The following TMEM132D variants were observed in gnomAD, a reference collection of about 807,000 sequenced individuals.
The protein encoded by TMEM132D is transmembrane protein 132D.
In TMEM132D, 21 loss-of-function variants were observed where a neutral mutation model predicts 62.3. The observed-to-expected ratio is 0.34, with a 90% confidence interval of 0.24 to 0.49. TMEM132D has a LOEUF of 0.49. TMEM132D is among the 20% of genes least tolerant of loss of function. The pLI, the probability that TMEM132D is intolerant of heterozygous loss-of-function variation, is 0.99. For missense variants in TMEM132D, 1,346 were observed against 1,402.8 expected (o/e 0.96, Z 0.65); for synonymous variants, 621 against 575.6 (o/e 1.08, Z -1.13).
chr12:129,228,944 C>G (rs11060206), intron 4 of TMEM132D, among the ~76,000 whole-genome samples: 8,874 of 152,266 alleles, frequency 0.058, 522 homozygotes, highest in East Asian at 0.3. Context: ...ATCAGAAGTT[C>G]AGCAATTCCG....
At chr12:129,788,333 T>C (rs1871299278) in intron 1 of TMEM132D, among the ~76,000 whole-genome samples, 1 of 152,216 alleles carries the variant, frequency 6.6e-6, no homozygotes, top group African/African-American at 2.4e-5. Flanking sequence ...ATTAGAAGCT[T>C]TGTGAGGGTA....
At chr12:129,219,899 T>C (rs180997455) in intron 4 of TMEM132D, among the ~76,000 whole-genome samples, 220 of 152,298 alleles carry the variant, frequency 1.4e-3, no homozygotes, top group Non-Finnish European at 2.6e-3. Flanking sequence ...CTTGCACCTT[T>C]TGGGAGCACA....
intron 5 of TMEM132D, among the ~76,000 whole-genome samples, chr12:129,159,045 C>T (rs1036767577): frequency 6.6e-6 from 1 of 152,214 alleles, no homozygotes; most frequent in African/African-American, 2.4e-5. Flanking sequence ...GGTCCCTCCT[C>T]TGACATGTTG....
chr12:129,422,024 C>G (rs1467452930), intron 3 of TMEM132D, among the ~76,000 whole-genome samples: 2 of 149,436 alleles, frequency 1.3e-5, no homozygotes, highest in Admixed American at 6.7e-5. Flanking sequence ...TCCCCATCTT[C>G]CCTTTTTAAA....
At chr12:129,567,637 A>T (rs1877404229) in intron 2 of TMEM132D, among the ~76,000 whole-genome samples, 1 of 152,192 alleles carries the variant, frequency 6.6e-6, no homozygotes, top group South Asian at 2.1e-4. Flanking sequence ...GAAATTGTAA[A>T]CAGTACCACC....
intron 1 of TMEM132D, among the ~76,000 whole-genome samples, chr12:129,773,916 T>C (rs778314639): frequency 2.0e-5 from 3 of 152,184 alleles, no homozygotes; most frequent in Non-Finnish European, 4.4e-5. Flanking sequence ...TAAATGAGAA[T>C]GCTAAGATAT....
At position 129,700,673 on chromosome 12, in the gene TMEM132D, C is replaced by G. The variant is rs749357494; in HGVS notation, c.105G>C (p.Glu35Asp). The G allele has an allele frequency of 6.2e-7, 1 of 1,612,352 alleles. No homozygotes were observed. The highest frequency in any genetic ancestry group is 1.1e-5 in the South Asian group (1 of 90,932). The change falls in exon 2 of 9, where the codon GAG becomes GAC. Residue 35 changes from glutamate (E) to aspartate (D), a missense_variant. Transcript: ENST00000422113. ...GCAGCAAGGAAAACCTCTGGATGCT[C>G]TCAAGGATCCCTCGACCTTCCGTCA... ...SKVTEGRGILESIQRFSLLPT... is the reference protein window; with the variant it reads ...SKVTEGRGILDSIQRFSLLPT...
At chr12:129,526,751 A>G (rs966328952) in intron 3 of TMEM132D, among the ~76,000 whole-genome samples, 16 of 152,210 alleles carry the variant, frequency 1.1e-4, no homozygotes, top group African/African-American at 3.9e-4. Context: ...AAGGTTGCCT[A>G]AAAAGAGTCA....
intron 3 of TMEM132D, among the ~76,000 whole-genome samples, chr12:129,465,434 A>C (rs1873854109): frequency 6.6e-6 from 1 of 152,140 alleles, no homozygotes; most frequent in Admixed American, 6.5e-5. Flanking sequence ...ATAGTGTTGG[A>C]AGTTCTGGCC....
At chr12:129,486,818 G>A (rs1478890029) in intron 3 of TMEM132D, among the ~76,000 whole-genome samples, 1 of 58,662 alleles carries the variant, frequency 1.7e-5, no homozygotes, top group Admixed American at 1.8e-4. Context: ...ACATTATTAA[G>A]CACATGGGGG....
At chr12:129,501,868 C>T (rs1220459448) in intron 3 of TMEM132D, among the ~76,000 whole-genome samples, 4 of 152,106 alleles carry the variant, frequency 2.6e-5, no homozygotes, top group Non-Finnish European at 4.4e-5. Context: ...TCATCACTAT[C>T]TTGGGTGTCA....
chr12:129,302,010 A>G (rs2135628044), intron 4 of TMEM132D, among the ~76,000 whole-genome samples: 1 of 152,324 alleles, frequency 6.6e-6, no homozygotes, highest in African/African-American at 2.4e-5. Context: ...TTCTATCTAA[A>G]GGACATAAAC....
intron 1 of TMEM132D, among the ~76,000 whole-genome samples, chr12:129,896,390 AGGCAG>A (rs1393892984): frequency 6.6e-5 from 10 of 152,190 alleles, no homozygotes; most frequent in Non-Finnish European, 1.0e-4. Flanking sequence ...GAATGAGAGC[AGGCAG>A]GGCAATGTCG....
At chr12:129,847,514 G>GTCAGCTCTGT (rs1280568126) in intron 1 of TMEM132D, among the ~76,000 whole-genome samples, 4 of 152,236 alleles carry the variant, frequency 2.6e-5, no homozygotes, top group Admixed American at 1.3e-4. Flanking sequence ...AACGGCTCTG[G>GTCAGCTCTGT]TCAGCTCTGT....
intron 1 of TMEM132D, among the ~76,000 whole-genome samples, chr12:129,841,453 AG>A (rs1321919255): frequency 3.3e-5 from 5 of 152,208 alleles, no homozygotes. Context: ...CCTTGGTCCC[AG>A]GGCTGCTCAG....
At chr12:129,509,084 G>A (rs1431309605) in intron 3 of TMEM132D, among the ~76,000 whole-genome samples, 1 of 152,102 alleles carries the variant, frequency 6.6e-6, no homozygotes, top group African/African-American at 2.4e-5. Context: ...TTGAGCAATT[G>A]AGCCAATTGA....
chr12:129,747,957 C>A (rs138974962), intron 1 of TMEM132D, among the ~76,000 whole-genome samples: 1 of 152,192 alleles, frequency 6.6e-6, no homozygotes, highest in Non-Finnish European at 1.5e-5. Flanking sequence ...ACAGGCGACG[C>A]GTATTTGCTT....
chr12:129,179,081 C>A (rs1298899469), intron 5 of TMEM132D, among the ~76,000 whole-genome samples: 1 of 152,122 alleles, frequency 6.6e-6, no homozygotes, highest in Non-Finnish European at 1.5e-5. Context: ...TGCTTGGGGA[C>A]CGTAGACAAA....
At chr12:129,110,606 C>A (rs1875662823) in intron 5 of TMEM132D, 1 of 152,164 alleles carries the variant, frequency 6.6e-6, no homozygotes, top group Non-Finnish European at 1.5e-5. Context: ...CGAGTAAGCA[C>A]CTCCCTCCCC....
Sources: gnomAD v4.1 joint callset for allele counts (sites outside exome capture counted in the v4.1 genomes callset) on GRCh38, gnomAD v4.1.1 for gene constraint, MANE v1.5 for transcripts, NCBI Gene and HGNC (gene_info 2026-07-23, HGNC 2026-07-21) for gene names.